The following RASEF variants were observed in gnomAD, a reference collection of about 807,000 sequenced individuals.
RASEF encodes ras and EF-hand domain-containing protein.
In RASEF, 68 loss-of-function variants were observed where a neutral mutation model predicts 90.1. The observed-to-expected ratio is 0.75, with a 90% CI of 0.62 to 0.92. The LOEUF (loss-of-function observed/expected upper bound fraction) is 0.92. Among genes scored for constraint, RASEF ranks in the 40% least tolerant of loss-of-function variants. The pLI is 0.00. For synonymous variants in RASEF, 331 were observed against 345.2 expected, an observed-to-expected ratio of 0.96 and a Z score of 0.46; for missense variants, 949 against 937.2, an observed-to-expected ratio of 1.01 and a Z score of -0.16.
At chr9:83,012,210 T>C (rs991993220) in intron 5 of RASEF, among the ~76,000 whole-genome samples, 2 of 152,232 alleles carry the variant, frequency 1.3e-5, no homozygotes, top group African/African-American at 4.8e-5. Context: ...ACTAGGTCTT[T>C]ATTACTTTGT....
intron 1 of RASEF, among the ~76,000 whole-genome samples, chr9:83,036,789 A>G (rs1265855641): frequency 6.6e-6 from 1 of 152,230 alleles, no homozygotes; most frequent in African/African-American, 2.4e-5. Flanking sequence ...TAATCAGTTC[A>G]TTAATTGTAA....
At position 83,000,580 on chromosome 9, in the gene RASEF, T is replaced by C. The variant is rs1829014547; in HGVS notation, c.1438-10A>G. 4 of 1,581,070 alleles carry C rather than the reference T, an allele frequency of 2.5e-6. No individual in the cohort carries two copies. The highest frequency in any genetic ancestry group is 1.7e-6 in the Non-Finnish European group (2 of 1,166,992). On this transcript the variant is annotated splice_polypyrimidine_tract_variant and intron_variant, in intron 10 of 16. Coordinates refer to ENST00000376447, the MANE Select transcript of RASEF (RefSeq NM_152573.4). ...CCCTTATGTCAGGAACCTATTTTTT[T>C]TAAAATGTCAGCAGTTAAATTAAAA...
the RASEF span, among the ~76,000 whole-genome samples, chr9:83,209,162 AAAT>A: frequency 6.6e-6 from 1 of 152,172 alleles, no homozygotes; most frequent in Non-Finnish European, 1.5e-5. Context: ...TCCATTTGCT[AAAT>A]AATGAGGTAA....
the RASEF span, among the ~76,000 whole-genome samples, chr9:83,123,400 C>A: frequency 3.9e-5 from 6 of 152,128 alleles, no homozygotes; most frequent in African/African-American, 1.4e-4. Context: ...TCCCTTCTAA[C>A]GCTGGGGAGA....
intron 2 of RASEF, among the ~76,000 whole-genome samples, chr9:83,024,699 C>G (rs889510682): frequency 2.0e-5 from 3 of 152,208 alleles, no homozygotes; most frequent in Non-Finnish European, 2.9e-5. Context: ...CTTGGCTTGA[C>G]TCCAGGACGA....
At chr9:82,990,995 C>T (rs951450233) in intron 15 of RASEF, among the ~76,000 whole-genome samples, 1 of 152,218 alleles carries the variant, frequency 6.6e-6, no homozygotes, top group Admixed American at 6.5e-5. Context: ...TCTCCTGCTT[C>T]AAACCTTTCA....
intron 16 of RASEF, 23 bp from the exon 17 acceptor site, chr9:82,982,805 CAGAGAGAGAG>C (rs60689330): frequency 7.3e-5 from 67 of 916,856 alleles, no homozygotes; most frequent in Admixed American, 2.3e-4. Context: ...TAGAGAGAGA[CAGAGAGAGAG>C]AGAGAGAGAG....
At chr9:83,000,117 A>G in intron 12 of RASEF, 52 bp downstream of exon 12, 2 of 1,555,778 alleles carry the variant, frequency 1.3e-6, no homozygotes, top group Non-Finnish European at 1.8e-6. Flanking sequence ...AGAAGAGAAA[A>G]TCAAGCTAAG....
chr9:83,000,884 T>C lies in RASEF; in HGVS notation c.1437+12A>G, dbSNP rs369712574. 7.4e-5 allele frequency: 119 copies of C among 1,606,150 alleles called. No individual in the cohort carries two copies. The African/African-American group carries it at 1.4e-3, about 19-fold the overall frequency. ...TAGAAGGCCTAGGAGAGCAGTGGTTTCTGGGGCTTACATCTGTGTCTGAAG... is the reference window on the plus strand; with the variant it reads ...TAGAAGGCCTAGGAGAGCAGTGGTTCCTGGGGCTTACATCTGTGTCTGAAG... On this transcript the variant is annotated intron_variant, in intron 10 of 16. Coordinates refer to ENST00000376447, the MANE Select transcript of RASEF (RefSeq NM_152573.4).
intron 16 of RASEF, among the ~76,000 whole-genome samples, chr9:82,985,280 A>C (rs116279576): frequency 6.6e-6 from 1 of 152,206 alleles, no homozygotes; most frequent in African/African-American, 2.4e-5. Context: ...CACTTCTTAC[A>C]TGGTGGCAGC....
chr9:83,162,277 G>C, the RASEF span, among the ~76,000 whole-genome samples: 33 of 152,154 alleles, frequency 2.2e-4, no homozygotes, highest in African/African-American at 7.9e-4. Context: ...GCCATAAAAT[G>C]AAGCTTTGAA....
At chr9:83,037,155 C>T (rs1292227998) in intron 1 of RASEF, among the ~76,000 whole-genome samples, 15 of 152,144 alleles carry the variant, frequency 9.9e-5, no homozygotes, top group Non-Finnish European at 1.5e-5. Context: ...GGTCAAGAGA[C>T]TTGTTCCAAA....
chr9:83,034,056 T>A (rs946605437), intron 1 of RASEF, among the ~76,000 whole-genome samples: 1 of 152,088 alleles, frequency 6.6e-6, no homozygotes, highest in Non-Finnish European at 1.5e-5. Flanking sequence ...AACTAGAAAA[T>A]AAATTCTAAG....
intron 1 of RASEF, chr9:83,048,541 A>T (rs1001285956): frequency 4.1e-6 from 4 of 985,184 alleles, no homozygotes; most frequent in Non-Finnish European, 4.8e-6. Flanking sequence ...CAAAAAAAAA[A>T]GTTTAAGTGA....
chr9:83,080,986 C>G, the RASEF span, among the ~76,000 whole-genome samples: 1 of 152,004 alleles, frequency 6.6e-6, no homozygotes, highest in Non-Finnish European at 1.5e-5. Context: ...TAAAGGAAAA[C>G]TCAATAGCAT....
the RASEF span, among the ~76,000 whole-genome samples, chr9:83,095,815 AAAATG>A: frequency 1.3e-5 from 2 of 152,230 alleles, no homozygotes; most frequent in South Asian, 2.1e-4. Flanking sequence ...ATAAAATGAT[AAAATG>A]AAATGAATAA....
chr9:83,053,453 G>A (rs1363629295), intron 1 of RASEF, among the ~76,000 whole-genome samples: 1 of 129,936 alleles, frequency 7.7e-6, no homozygotes, highest in African/African-American at 3.6e-5. Context: ...CACGTGAGAT[G>A]GGTTTCCTGA....
chr9:83,062,663 G>C lies in RASEF; in HGVS notation c.205C>G (p.Arg69Gly). 2 of 1,570,842 alleles carry C rather than the reference G, an allele frequency of 1.3e-6. No homozygotes were observed. The highest frequency in any genetic ancestry group is 1.7e-6 in the Non-Finnish European group (2 of 1,166,394). The change falls in exon 1 of 17, where the codon CGT becomes GGT. Residue 69 changes from arginine (R) to glycine (G), a missense_variant. This residue lies in a region of RASEF where 656 missense variants were observed against 592.2 expected (regional missense o/e 1.11). Transcript: ENST00000376447. ...DGAITFQEFA[R>G]GFLGSLRGGR... ...CCGCGGAGGGACCCGAGGAAGCCAC[G>C]CGCGAACTCCTGGAAGGTGATGGCG...
chr9:83,064,263 A>G (rs1728904112), upstream of RASEF, among the ~76,000 whole-genome samples: 1 of 152,212 alleles, frequency 6.6e-6, no homozygotes, highest in South Asian at 2.1e-4. Flanking sequence ...AACTGTAACT[A>G]CTACTGATAA....
Sources: gnomAD v4.1 joint callset for allele counts (sites outside exome capture counted in the v4.1 genomes callset) on GRCh38, gnomAD v4.1.1 for gene constraint, gnomAD v4.1.1 regional missense constraint, MANE v1.5 for transcripts, NCBI Gene and HGNC (gene_info 2026-07-23, HGNC 2026-07-21) for gene names.